VIT: variants seen among roughly 807,000 people sequenced by gnomAD.
VIT encodes vitrin.
VIT carries 99 observed loss-of-function variants against 78.0 expected under a neutral mutation model. The observed-to-expected ratio is 1.27, with a 90% CI of 1.08 to 1.50. The LOEUF is 1.50. Ranked by LOEUF, VIT falls within the 40% of genes most tolerant of loss-of-function variation. The pLI is 0.00. For missense variants in VIT, 1,126 were observed against 875.3 expected, an observed-to-expected ratio of 1.29 and a Z score of -3.61; for synonymous variants, 374 against 334.3, an observed-to-expected ratio of 1.12 and a Z score of -1.29.
chr2:36,731,517 C>T (rs1667207856), intron 3 of VIT, among the ~76,000 whole-genome samples: 1 of 152,146 alleles, frequency 6.6e-6, no homozygotes, highest in Non-Finnish European at 1.5e-5. Context: ...TCATGATCCA[C>T]CTGCCTTGGC....
At chr2:36,777,047 C>CCACTG (rs1213848822) in intron 9 of VIT, among the ~76,000 whole-genome samples, 1 of 144,228 alleles carries the variant, frequency 6.9e-6, no homozygotes, top group Non-Finnish European at 1.5e-5. Context: ...CGAGATCACG[C>CCACTG]CACTGCACTC....
intron 9 of VIT, among the ~76,000 whole-genome samples, chr2:36,775,785 G>T (rs1316701007): frequency 2.0e-5 from 3 of 150,956 alleles, no homozygotes; most frequent in Non-Finnish European, 4.4e-5. Context: ...GAGTGTTCCT[G>T]ACTTAAAGGA....
At chr2:36,763,040 C>T (rs909943966) in intron 6 of VIT, among the ~76,000 whole-genome samples, 2 of 152,150 alleles carry the variant, frequency 1.3e-5, no homozygotes, top group African/African-American at 4.8e-5. Context: ...AGGCACATTC[C>T]TAGTATCACA....
chr2:36,737,776 G>T (rs1035726409), intron 3 of VIT, among the ~76,000 whole-genome samples: 1 of 152,198 alleles, frequency 6.6e-6, no homozygotes, highest in African/African-American at 2.4e-5. Flanking sequence ...TCTTGGGTAG[G>T]TTTATGTGTA....
chr2:36,718,928 T>C (rs1326392771), intron 2 of VIT, among the ~76,000 whole-genome samples: 1 of 152,260 alleles, frequency 6.6e-6, no homozygotes, highest in Non-Finnish European at 1.5e-5. Context: ...CTTTTCATTC[T>C]AACATACAAG....
At chr2:36,738,860 C>T (rs749733901) in intron 3 of VIT, among the ~76,000 whole-genome samples, 28 of 152,052 alleles carry the variant, frequency 1.8e-4, no homozygotes, top group Non-Finnish European at 3.4e-4. Flanking sequence ...CTAATGGCAG[C>T]AAAAACCTAG....
At chr2:36,698,199 A>G (rs1335187215) in intron 1 of VIT, among the ~76,000 whole-genome samples, 1 of 152,250 alleles carries the variant, frequency 6.6e-6, no homozygotes, top group African/African-American at 2.4e-5. Context: ...GCTTCATTTA[A>G]ATATATCTTA....
intron 14 of VIT, among the ~76,000 whole-genome samples, chr2:36,808,168 A>G (rs1233038116): frequency 1.3e-5 from 2 of 152,242 alleles, no homozygotes; most frequent in Admixed American, 6.5e-5. Context: ...AGCCCGGAGA[A>G]GCATAAATGT....
chr2:36,781,768 G>A lies in VIT; in HGVS notation c.844G>A (p.Glu282Lys). The change falls in exon 10 of 16, where the codon GAA (glutamate) becomes AAA (lysine). Residue 282 changes from glutamate to lysine, a missense_variant. Physicochemically the swap from Glu to Lys is moderately conservative, Grantham distance 56. Transcript: ENST00000379242. ...SWKPGSVLLD[E>K]GLVPKEELST... is the part of the protein sequence containing the mutation. ...GAAACCTGGATCGGTCCTTTTAGAT[G>A]AAGGTAATTATACAGCCCAACCTCT... The A allele has an allele frequency of 6.2e-7, 1 of 1,614,154 alleles. No individual in the cohort carries two copies. The highest frequency in any genetic ancestry group is 8.5e-7 in the Non-Finnish European group (1 of 1,180,010).
intron 3 of VIT, among the ~76,000 whole-genome samples, chr2:36,731,592 C>A (rs1157402507): frequency 6.6e-6 from 1 of 152,048 alleles, no homozygotes; most frequent in Non-Finnish European, 1.5e-5. Context: ...TTTTAAACAT[C>A]CACGTCCCTT....
intron 3 of VIT, among the ~76,000 whole-genome samples, chr2:36,739,090 T>G (rs1667676587): frequency 6.6e-6 from 1 of 152,218 alleles, no homozygotes. Flanking sequence ...TTACTCTAGT[T>G]GAATATCACA....
chr2:36,763,137 G>A (rs1669221122), intron 6 of VIT, among the ~76,000 whole-genome samples: 1 of 152,198 alleles, frequency 6.6e-6, no homozygotes, highest in African/African-American at 2.4e-5. Flanking sequence ...TGTCTGCTGA[G>A]TCCCCCGCTG....
At position 36,814,792 on chromosome 2, in the gene VIT, C is replaced by T. The variant is rs1558603203; in HGVS notation, c.*431C>T. The T allele has an allele frequency of 1.3e-5, 2 of 159,990 alleles. No homozygotes were observed. The highest frequency in any genetic ancestry group is 1.4e-5 in the Non-Finnish European group (1 of 73,130). The allele number at this position is 159,990 out of a possible 1,614,324, so 9.9% of individuals were successfully genotyped here. A position where few individuals can be genotyped will look rare whatever the true frequency, so the allele number is the denominator to read the frequency against. ...ATTAAATGTTTAGAAGGATGACATG[C>T]AATGTTTCTGACTGTGTCTTTTGTA... On this transcript the variant is annotated 3_prime_UTR_variant, in exon 16 of 16. Transcript: ENST00000379242.
At chr2:36,759,870 G>A (rs544335861) in intron 6 of VIT, among the ~76,000 whole-genome samples, 25 of 152,144 alleles carry the variant, frequency 1.6e-4, no homozygotes, top group African/African-American at 3.9e-4. Context: ...TTTAATCACC[G>A]TAGACCACCA....
At chr2:36,729,547 G>T in intron 3 of VIT, 56 bp downstream of exon 3, 1 of 1,532,958 alleles carries the variant, frequency 6.5e-7, no homozygotes, top group South Asian at 1.2e-5. Context: ...CACATGGAGG[G>T]TTATTATACT....
chr2:36,790,607 T>C (rs193188785), intron 12 of VIT, among the ~76,000 whole-genome samples: 3 of 152,220 alleles, frequency 2.0e-5, no homozygotes, highest in East Asian at 3.9e-4. Flanking sequence ...GTCAGAGAGG[T>C]TGACTGACTT....
rs76515210 is a variant in VIT, at chr2:36,715,168, C to T, written c.-18-1185C>T. Among the ~76,000 whole-genome samples, 1,021 of 152,318 alleles carry T rather than the reference C, an allele frequency of 6.7e-3. 13 individuals carry two copies. The highest frequency in any genetic ancestry group is 0.024 in the African/African-American group (978 of 41,546). On this transcript the variant is annotated intron_variant, in intron 1 of 15. Transcript: ENST00000379242. The stretch of plus-strand genomic sequence containing the variant: ...CTAAAATTTCTGGCCCTTGGGGAAT[C>T]TCTAGCACTACCCCCCACCTACTGG...
At chr2:36,711,850 C>G (rs780272471) in intron 1 of VIT, among the ~76,000 whole-genome samples, 54 of 152,212 alleles carry the variant, frequency 3.5e-4, no homozygotes, top group Non-Finnish European at 7.3e-4. Flanking sequence ...ACCACTTACA[C>G]TAATGTATAC....
intron 1 of VIT, among the ~76,000 whole-genome samples, chr2:36,708,763 C>CGTA (rs1665613004): frequency 6.6e-6 from 1 of 152,166 alleles, no homozygotes. Flanking sequence ...ACGTTTCAGG[C>CGTA]GTATGTGCCC....
Sources: gnomAD v4.1 joint callset for allele counts (sites outside exome capture counted in the v4.1 genomes callset) on GRCh38, gnomAD v4.1.1 for gene constraint, MANE v1.5 for transcripts, NCBI Gene and HGNC (gene_info 2026-07-23, HGNC 2026-07-21) for gene names.